Variants in MARCHF6 observed in about 807,000 individuals in gnomAD.
MARCHF6 encodes the protein membrane associated ring-CH-type finger 6.
Under a neutral mutation model 133.7 loss-of-function variants are expected in MARCHF6, and 31 were observed. The observed-to-expected ratio is 0.23, with a 90% confidence interval of 0.17 to 0.31. The LOEUF (loss-of-function observed/expected upper bound fraction) is 0.31. MARCHF6 is among the 10% of genes least tolerant of loss of function. MARCHF6 has a pLI of 1.00. For synonymous variants in MARCHF6, 395 were observed against 402.5 expected, an observed-to-expected ratio of 0.98 and a Z score of 0.22; for missense variants, 723 against 1,121.6, an observed-to-expected ratio of 0.64 and a Z score of 5.08.
At chr5:10,389,464 C>CA (rs2126725399) in intron 5 of MARCHF6, among the ~76,000 whole-genome samples, 1 of 151,216 alleles carries the variant, frequency 6.6e-6, no homozygotes, top group Non-Finnish European at 1.5e-5. Context: ...TGCGGTGGCT[C>CA]AATCTTGGCT....
intron 4 of MARCHF6, among the ~76,000 whole-genome samples, chr5:10,385,728 G>T (rs1737427819): frequency 6.6e-6 from 1 of 152,136 alleles, no homozygotes; most frequent in Non-Finnish European, 1.5e-5. Context: ...AATCCACTAA[G>T]AAAATAGAAT....
chr5:10,396,410 T>G (rs1738195364), intron 9 of MARCHF6, among the ~76,000 whole-genome samples: 1 of 152,006 alleles, frequency 6.6e-6, no homozygotes, highest in African/African-American at 2.4e-5. Flanking sequence ...ATAGGGAAAA[T>G]TTAGGAGCCC....
intron 1 of MARCHF6, among the ~76,000 whole-genome samples, chr5:10,369,853 T>G (rs1444808407): frequency 6.6e-6 from 1 of 152,174 alleles, no homozygotes; most frequent in Non-Finnish European, 1.5e-5. Flanking sequence ...AGTATTTTAT[T>G]GTAGGGATGT....
intron 24 of MARCHF6, among the ~76,000 whole-genome samples, chr5:10,429,478 A>G (rs1740260595): frequency 6.7e-6 from 1 of 149,920 alleles, no homozygotes; most frequent in Non-Finnish European, 1.5e-5. Context: ...GGCTCCCTGC[A>G]ACCTCCACCT....
At chr5:10,415,376 A>G in intron 20 of MARCHF6, 112 bp from the exon 21 acceptor site, 1 of 950,692 alleles carries the variant, frequency 1.1e-6, no homozygotes, top group Non-Finnish European at 1.6e-6. Context: ...AGACATTGAT[A>G]TATCGAATGT....
intron 1 of MARCHF6, among the ~76,000 whole-genome samples, chr5:10,359,966 A>G (rs1022840216): frequency 1.3e-5 from 2 of 151,766 alleles, no homozygotes; most frequent in Non-Finnish European, 2.9e-5. Flanking sequence ...AGATCGCGCC[A>G]CTGCACTCCA....
chr5:10,360,144 GTTTTTTT>G lies in MARCHF6; in HGVS notation c.19+6243_19+6249del, dbSNP rs1164778520. 3.9e-4 allele frequency among the ~76,000 whole-genome samples: 29 copies of G among 75,122 alleles called. No homozygotes were observed. The East Asian group carries it at 5.1e-3, about 13-fold the overall frequency. The allele number at this position is 75,122 out of a possible 152,430, so 49.3% of individuals were successfully genotyped here. A position where few individuals can be genotyped will look rare whatever the true frequency, so the allele number is the denominator to read the frequency against. The stretch of plus-strand genomic sequence containing the variant: ...GGAGTCAAAAGTTGTATGTGTGTGT[GTTTTTTT>G]TTTTTTTTTTTTTTTGAGACAGAGT... On this transcript the variant is annotated intron_variant, in intron 1 of 25. Transcript: ENST00000274140.
chr5:10,359,686 C>T (rs1036862333), intron 1 of MARCHF6, among the ~76,000 whole-genome samples: 3 of 152,104 alleles, frequency 2.0e-5, no homozygotes, highest in African/African-American at 7.2e-5. Flanking sequence ...AAATAATCTC[C>T]TGAGTACTCA....
intron 1 of MARCHF6, among the ~76,000 whole-genome samples, chr5:10,375,021 T>C (rs1736685069): frequency 6.6e-6 from 1 of 152,222 alleles, no homozygotes; most frequent in Non-Finnish European, 1.5e-5. Context: ...CCTCGCTTGC[T>C]CTCGGCGCCT....
rs147433491 is a variant in MARCHF6, at chr5:10,399,079, G to T, written c.914-1705G>T. Among the ~76,000 whole-genome samples, 1,308 of 152,222 alleles carry T rather than the reference G, an allele frequency of 8.6e-3. 16 individuals are homozygous for T. Among genetic ancestry groups the T allele is most frequent in the African/African-American group, 0.03 (1,251 of 41,556 alleles). On this transcript the variant is annotated intron_variant, in intron 10 of 25. Transcript: ENST00000274140. ...TTTCAGGATGCCTTTCCATTAGTTTGTGTGTAATGGGATGGAAATTGATTG... is the reference window on the plus strand; with the variant it reads ...TTTCAGGATGCCTTTCCATTAGTTTTTGTGTAATGGGATGGAAATTGATTG...
chr5:10,360,866 T>A (rs1363751773), intron 1 of MARCHF6, among the ~76,000 whole-genome samples: 1 of 152,224 alleles, frequency 6.6e-6, no homozygotes, highest in Non-Finnish European at 1.5e-5. Flanking sequence ...ACTGAAGCCC[T>A]GTGAGTGATT....
At chr5:10,403,294 C>G (rs1393016047) in intron 14 of MARCHF6, 113 bp from the exon 15 acceptor site, 5 of 996,388 alleles carry the variant, frequency 5.0e-6, no homozygotes, top group African/African-American at 4.8e-5. Context: ...AACTGCAGTT[C>G]TAGGAATTGT....
At chr5:10,397,462 A>T (rs1158211272) in intron 10 of MARCHF6, 118 bp downstream of exon 10, 1 of 722,548 alleles carries the variant, frequency 1.4e-6, no homozygotes, top group Non-Finnish European at 2.1e-6. Flanking sequence ...TAAGCAGTAT[A>T]TGAAAATAGT....
Position 10,353,734 on chromosome 5 carries a change from C to A in MARCHF6, c.-165C>A. Reference sequence around the variant, plus strand: ...CCCTCCCGTGTCGCTCGCTTTCTGTCAGCCTCTCTCCCTCTCCCTCTCCCC... The same window carrying A: ...CCCTCCCGTGTCGCTCGCTTTCTGTAAGCCTCTCTCCCTCTCCCTCTCCCC... On this transcript the variant is annotated 5_prime_UTR_variant, in exon 1 of 26. Transcript: ENST00000274140. The A allele has an allele frequency of 3.6e-6, 1 of 281,298 alleles. No homozygotes were observed. The highest frequency in any genetic ancestry group is 2.5e-5 in the South Asian group (1 of 40,190). 17.4% of individuals were successfully genotyped at this position (281,298 alleles called of 1,614,324 possible).
chr5:10,403,376 G>T (rs756007247), intron 14 of MARCHF6, 31 bp from the exon 15 acceptor site: 4 of 1,593,150 alleles, frequency 2.5e-6, no homozygotes, highest in Non-Finnish European at 3.4e-6. Flanking sequence ...AGGGGGCACA[G>T]ATTTCTCTTA....
At chr5:10,369,013 CTG>C (rs2126666677) in intron 1 of MARCHF6, among the ~76,000 whole-genome samples, 1 of 151,758 alleles carries the variant, frequency 6.6e-6, no homozygotes, top group African/African-American at 2.4e-5. Flanking sequence ...CTTTTGCTAA[CTG>C]TAGTCACTGG....
chr5:10,369,603 A>AACC (rs1736338293), intron 1 of MARCHF6, among the ~76,000 whole-genome samples: 1 of 26,428 alleles, frequency 3.8e-5, no homozygotes. Context: ...TAGTTCCATT[A>AACC]CCCCCCCCCC....
At position 10,411,440 on chromosome 5, in the gene MARCHF6, T is replaced by C. The variant is rs1352442172; in HGVS notation, c.1799T>C (p.Val600Ala). The C allele has an allele frequency of 1.2e-6, 2 of 1,614,110 alleles. No individual in the cohort carries two copies. The highest frequency in any genetic ancestry group is 2.2e-5 in the South Asian group (2 of 91,090). ...HARNNNAIPVVGEGLHAAHQA... is the reference protein window; with the variant it reads ...HARNNNAIPVAGEGLHAAHQA... ...CGAAATAACAACGCTATTCCTGTGG[T>C]GGGAGAAGGCCTTCATGCAGCCCAC... The change falls in exon 19 of 26, where the codon GTG (valine) becomes GCG (alanine). Residue 600 changes from valine to alanine, a missense_variant. Val to Ala is a moderately conservative substitution (Grantham distance 64, BLOSUM62 0). This residue lies in a region of MARCHF6 where 492 missense variants were observed against 699.5 expected (regional missense o/e 0.70). Coordinates refer to ENST00000274140, the MANE Select transcript of MARCHF6 (RefSeq NM_005885.4).
intron 1 of MARCHF6, among the ~76,000 whole-genome samples, chr5:10,354,381 A>AC: frequency 6.6e-6 from 1 of 151,988 alleles, no homozygotes; most frequent in African/African-American, 2.4e-5. Flanking sequence ...CGCGAAAAAT[A>AC]CCCCGCCAGA....
Sources: gnomAD v4.1 joint callset for allele counts (sites outside exome capture counted in the v4.1 genomes callset) on GRCh38, gnomAD v4.1.1 for gene constraint, gnomAD v4.1.1 regional missense constraint, MANE v1.5 for transcripts, NCBI Gene and HGNC (gene_info 2026-07-23, HGNC 2026-07-21) for gene names.